ANO1: variants seen among roughly 807,000 people sequenced by gnomAD.
ANO1 encodes the protein anoctamin 1, also known as anoctamin-1.
Under a neutral mutation model 124.0 loss-of-function variants are expected in ANO1, and 59 were observed. The ratio of observed to expected loss-of-function variants is 0.48; its 90% CI spans 0.39 to 0.59. The LOEUF (loss-of-function observed/expected upper bound fraction) is 0.59, where lower values mean the gene tolerates loss of function less well. Among genes scored for constraint, ANO1 ranks in the 20% least tolerant of loss-of-function variants. The pLI is 0.00. For synonymous variants in ANO1, 529 were observed against 532.0 expected (o/e 0.99, Z 0.08); for missense variants, 1,059 against 1,328.0 (o/e 0.80, Z 3.15).
At chr11:69,980,780 A>G in the ANO1 span, among the ~76,000 whole-genome samples, 1 of 152,162 alleles carries the variant, frequency 6.6e-6, no homozygotes, top group Admixed American at 6.5e-5. Flanking sequence ...TGGGCTGGGC[A>G]CGGTGGCTCA....
intron 22 of ANO1, among the ~76,000 whole-genome samples, chr11:70,174,819 T>C (rs1202355610): frequency 6.6e-6 from 1 of 152,104 alleles, no homozygotes; most frequent in Non-Finnish European, 1.5e-5. Context: ...GCTCACCAGG[T>C]TCTCCCTGCA....
chr11:70,101,001 A>G (rs1201996348), intron 2 of ANO1, among the ~76,000 whole-genome samples: 2 of 152,174 alleles, frequency 1.3e-5, no homozygotes, highest in Non-Finnish European at 2.9e-5. Flanking sequence ...CGGGGGCCTC[A>G]CCATCAGCAT....
upstream of ANO1, among the ~76,000 whole-genome samples, chr11:70,077,873 G>T (rs915104787): frequency 6.6e-6 from 1 of 152,166 alleles, no homozygotes; most frequent in African/African-American, 2.4e-5. Context: ...TGACTGCCCC[G>T]GGAGAGACTC....
intron 1 of ANO1, among the ~76,000 whole-genome samples, chr11:70,008,769 A>T (rs1262075166): frequency 6.6e-6 from 1 of 152,042 alleles, no homozygotes; most frequent in Non-Finnish European, 1.5e-5. Flanking sequence ...CATGATGACC[A>T]TGGACACCTT....
Position 70,164,482 on chromosome 11 carries a change from G to A in ANO1, c.1951-988G>A, listed in dbSNP as rs1203232261. On this transcript the variant is annotated intron_variant, in intron 19 of 25. Coordinates refer to ENST00000355303, the MANE Select transcript of ANO1 (RefSeq NM_018043.7). ...TACATGATGATCCCCTGTCACACTCGTCCCGGGTCAGAAAGTCATATAATA... is the reference window on the plus strand; with the variant it reads ...TACATGATGATCCCCTGTCACACTCATCCCGGGTCAGAAAGTCATATAATA... Among the ~76,000 whole-genome samples, 15 of 152,274 alleles carry A rather than the reference G, an allele frequency of 9.9e-5. 1 individual carries two copies. In the South Asian group the frequency reaches 2.9e-3, roughly 29 times the overall value.
intron 1 of ANO1, among the ~76,000 whole-genome samples, chr11:69,991,057 T>C (rs947894552): frequency 3.9e-5 from 6 of 152,242 alleles, no homozygotes; most frequent in African/African-American, 1.4e-4. Context: ...GTTGCAATGA[T>C]CTACCCCGAT....
intron 1 of ANO1, chr11:70,085,669 A>G (rs2044345731): frequency 6.8e-7 from 1 of 1,478,920 alleles, no homozygotes; most frequent in African/African-American, 1.4e-5. Flanking sequence ...CACCTATGAA[A>G]GGTGGGGCAG....
At chr11:70,006,670 T>C (rs1244137167) in intron 1 of ANO1, among the ~76,000 whole-genome samples, 29 of 127,704 alleles carry the variant, frequency 2.3e-4, no homozygotes, top group Admixed American at 4.8e-4. Flanking sequence ...TTTCTTTTTT[T>C]TTTTTTTTTT....
chr11:70,109,971 A>G (rs1403627341), intron 6 of ANO1, among the ~76,000 whole-genome samples: 1 of 152,048 alleles, frequency 6.6e-6, no homozygotes. Flanking sequence ...GCAAGTGCTG[A>G]GGATTCCCGT....
chr11:70,161,268 C>T lies in ANO1; in HGVS notation c.1686C>T (p.Val562=). ...CCTCCGTGCGGTCCAACATCCGGGTCACAGTCACAGCCACCGCAGTCATCA... is the reference window on the plus strand; with the variant it reads ...CCTCCGTGCGGTCCAACATCCGGGTTACAGTCACAGCCACCGCAGTCATCA... ...SSPSVRSNIR[V]TVTATAVIIN... Residue 562 remains valine (V), a synonymous_variant, in exon 17 of 26, where the codon GTC becomes GTT. Coordinates refer to ENST00000355303, the MANE Select transcript of ANO1 (RefSeq NM_018043.7). The T allele has an allele frequency of 6.2e-7, 1 of 1,613,692 alleles. No individual in the cohort carries two copies.
chr11:70,071,265 T>C (rs1182780552), intron 1 of ANO1, among the ~76,000 whole-genome samples: 2 of 152,216 alleles, frequency 1.3e-5, no homozygotes, highest in Non-Finnish European at 2.9e-5. Flanking sequence ...TCAACTATTT[T>C]TCCTTAAATA....
At chr11:70,165,094 C>A (rs182377678) in intron 19 of ANO1, among the ~76,000 whole-genome samples, 1 of 152,130 alleles carries the variant, frequency 6.6e-6, no homozygotes, top group East Asian at 1.9e-4. Flanking sequence ...TAGGGGAGGA[C>A]CTGCCTTGCC....
Position 70,155,967 on chromosome 11 carries a change from A to G in ANO1, c.1482A>G (p.Thr494=), listed in dbSNP as rs1344788488. 1 of 1,530,456 alleles carries G rather than the reference A, an allele frequency of 6.5e-7. No individual in the cohort carries two copies. Among genetic ancestry groups the G allele is most frequent in the Non-Finnish European group, 8.8e-7 (1 of 1,139,150 alleles). 94.8% of individuals were successfully genotyped at this position (1,530,456 alleles called of 1,614,324 possible). The part of the protein sequence containing the change: ...STNKWKQRVK[T]AMAGVKLTDK... The stretch of plus-strand genomic sequence containing the variant: ...ACAAATGGAAGCAGAGGGTTAAGAC[A>G]GCCATGGCGGGGGTGAAATTGGTAC... The change falls in exon 15 of 26, where the codon ACA becomes ACG. Residue 494 remains threonine (T), a synonymous_variant. Coordinates refer to ENST00000355303, the MANE Select transcript of ANO1 (RefSeq NM_018043.7).
intron 1 of ANO1, among the ~76,000 whole-genome samples, chr11:70,057,702 G>T (rs1205037708): frequency 6.6e-6 from 1 of 152,076 alleles, no homozygotes; most frequent in Non-Finnish European, 1.5e-5. Flanking sequence ...GATTGGTTGG[G>T]GCGGGGCAGG....
Position 70,156,927 on chromosome 11 carries a change from G to A in ANO1, c.1504-20G>A, listed in dbSNP as rs890114178. 94 of 1,611,100 alleles carry A rather than the reference G, an allele frequency of 5.8e-5. 1 individual carries two copies. The highest frequency in any genetic ancestry group is 7.2e-5 in the Non-Finnish European group (85 of 1,178,200). On this transcript the variant is annotated intron_variant, in intron 15 of 25. Transcript: ENST00000355303. ...ATCGTGATGGTTCCAGACAGTGACC[G>A]GCATTGTTTTGTGTTGTAGACTGAC...
Position 69,990,012 on chromosome 11 carries a change from C to T in ANO1, c.58+3846C>T, listed in dbSNP as rs553295121. Among the ~76,000 whole-genome samples the T allele has an allele frequency of 4.6e-5, 7 of 152,248 alleles. No individual in the cohort carries two copies. The East Asian group carries it at 1.2e-3, about 25-fold the overall frequency. On this transcript the variant is annotated intron_variant, in intron 1 of 27. Coordinates refer to the ANO1 transcript ENST00000531349. ...ATTATATATACCATAACATTTTAATCATTTTAAGTGTAGAATTCAGTGGCA... is the reference window on the plus strand; with the variant it reads ...ATTATATATACCATAACATTTTAATTATTTTAAGTGTAGAATTCAGTGGCA...
At position 70,116,478 on chromosome 11, in the gene ANO1, C is replaced by T. The variant is rs375801362; in HGVS notation, c.876C>T (p.Asn292=). 62 of 1,599,032 alleles carry T rather than the reference C, an allele frequency of 3.9e-5. No individual in the cohort carries two copies. The highest frequency in any genetic ancestry group is 4.5e-5 in the Non-Finnish European group (53 of 1,172,704). ...PLHDGDYNGE[N]VEFNDRKLLY... The stretch of plus-strand genomic sequence containing the variant: ...AACAGGGAGACTACAACGGTGAAAA[C>T]GTCGAGTTCAACGACAGAAAAGTAA... The change falls in exon 8 of 26, where the codon AAC becomes AAT. Residue 292 remains asparagine (N), a synonymous_variant. Coordinates refer to ENST00000355303, the MANE Select transcript of ANO1 (RefSeq NM_018043.7).
upstream of ANO1, among the ~76,000 whole-genome samples, chr11:69,983,574 G>A (rs1855976495): frequency 6.6e-6 from 1 of 151,918 alleles, no homozygotes; most frequent in Admixed American, 6.6e-5. Context: ...TAAGCAGGGT[G>A]CTCCGGGTGC....
exon 1 of ANO1, chr11:69,986,149 G>A (rs1479624289): frequency 6.6e-6 from 1 of 152,368 alleles, no homozygotes; most frequent in Non-Finnish European, 1.5e-5. Flanking sequence ...CTGCCCCCCA[G>A]GGAAGTCCCC....
Sources: gnomAD v4.1 joint callset for allele counts (sites outside exome capture counted in the v4.1 genomes callset) on GRCh38, gnomAD v4.1.1 for gene constraint, MANE v1.5 for transcripts, NCBI Gene and HGNC (gene_info 2026-07-23, HGNC 2026-07-21) for gene names.